The following PSD3 variants were observed in gnomAD, a reference collection of about 807,000 sequenced individuals.
PSD3 encodes pleckstrin and Sec7 domain containing 3, also known as PH and SEC7 domain-containing protein 3.
A neutral mutation model predicts 105.5 loss-of-function variants in PSD3; 49 were observed. That is an observed-to-expected ratio of 0.46 (90% CI 0.37 to 0.59). The LOEUF is 0.59. Ranked by LOEUF, PSD3 falls within the 20% of genes least tolerant of loss-of-function variation. The probability of loss-of-function intolerance (pLI) is 0.00; values close to 1 mark genes in which losing one functional copy is unlikely to be tolerated. For synonymous variants in PSD3, 557 were observed against 457.8 expected (o/e 1.22, Z -2.77); for missense variants, 1,561 against 1,263.8 (o/e 1.24, Z -3.57).
At chr8:18,785,127 G>A (rs969027772) in intron 8 of PSD3, among the ~76,000 whole-genome samples, 1 of 152,068 alleles carries the variant, frequency 6.6e-6, no homozygotes. Context: ...CTGTCACTCA[G>A]GAGGTCCATT....
intron 10 of PSD3, among the ~76,000 whole-genome samples, chr8:18,652,647 G>A (rs1056015225): frequency 2.6e-5 from 4 of 151,832 alleles, no homozygotes; most frequent in East Asian, 1.9e-4. Flanking sequence ...ACAAGTGCAC[G>A]CCACCACGCC....
chr8:19,065,823 C>A (rs1829056387), intron 1 of PSD3, among the ~76,000 whole-genome samples: 1 of 152,112 alleles, frequency 6.6e-6, no homozygotes, highest in Admixed American at 6.6e-5. Context: ...ATCACTTTAA[C>A]CCTCAGCCCC....
chr8:18,590,151 G>C (rs758484611), intron 12 of PSD3, among the ~76,000 whole-genome samples: 7 of 152,136 alleles, frequency 4.6e-5, no homozygotes, highest in African/African-American at 1.2e-4. Context: ...TTTTAAAAAA[G>C]AATAATTCTT....
intron 9 of PSD3, among the ~76,000 whole-genome samples, chr8:18,756,191 A>G (rs900090948): frequency 6.6e-6 from 1 of 151,842 alleles, no homozygotes; most frequent in African/African-American, 2.4e-5. Flanking sequence ...GAACTCACCT[A>G]CTCTAGGCAA....
intron 11 of PSD3, among the ~76,000 whole-genome samples, chr8:18,616,540 C>G (rs1450725352): frequency 6.6e-6 from 1 of 152,104 alleles, no homozygotes; most frequent in Non-Finnish European, 1.5e-5. Context: ...TCTCATCATG[C>G]CTAGGTTTTA....
intron 2 of PSD3, among the ~76,000 whole-genome samples, chr8:18,911,124 T>C (rs935389892): frequency 2.6e-5 from 4 of 151,872 alleles, no homozygotes; most frequent in Non-Finnish European, 4.4e-5. Context: ...AGTCAACCAA[T>C]AAAACAGATA....
At chr8:18,832,843 A>G (rs1460278632) in intron 4 of PSD3, among the ~76,000 whole-genome samples, 2 of 152,158 alleles carry the variant, frequency 1.3e-5, no homozygotes, top group Non-Finnish European at 2.9e-5. Context: ...CCTATTCATT[A>G]TCACTAGAAC....
intron 3 of PSD3, among the ~76,000 whole-genome samples, chr8:18,870,813 G>C (rs1378158024): frequency 2.0e-5 from 3 of 152,074 alleles, no homozygotes; most frequent in Non-Finnish European, 4.4e-5. Flanking sequence ...TCAAAACATA[G>C]GAAGGGCCCG....
chr8:18,693,601 A>T (rs11203985), intron 9 of PSD3, among the ~76,000 whole-genome samples: 138,199 of 152,252 alleles, frequency 0.91, 63,207 homozygotes, highest in Middle Eastern at 0.97. Context: ...GCCCGGCCAT[A>T]TGATGCTCTC....
Position 18,655,827 on chromosome 8 carries a change from G to GA in PSD3, c.2173-143dup, listed in dbSNP as rs549676170. The stretch of plus-strand genomic sequence containing the variant: ...GTCACCTTGCTTTTAGAAAGGTGAA[G>GA]AATACATGGGGAGGCAAATGAGCAT... On this transcript the variant is annotated intron_variant, in intron 9 of 15. Coordinates refer to ENST00000327040, the MANE Select transcript of PSD3 (RefSeq NM_015310.4). 239 of 702,786 alleles carry GA rather than the reference G, an allele frequency of 3.4e-4. 1 individual carries two copies. In the African/African-American group the frequency reaches 3.9e-3, roughly 12 times the overall value. 43.5% of individuals were successfully genotyped at this position (702,786 alleles called of 1,614,324 possible).
At chr8:18,939,298 T>C (rs759667904) in intron 1 of PSD3, among the ~76,000 whole-genome samples, 16 of 152,178 alleles carry the variant, frequency 1.1e-4, no homozygotes, top group Non-Finnish European at 2.2e-4. Flanking sequence ...TGCATTTACC[T>C]TTAGATGAAA....
chr8:19,041,260 A>C (rs1203001862), intron 1 of PSD3, among the ~76,000 whole-genome samples: 1 of 152,178 alleles, frequency 6.6e-6, no homozygotes, highest in African/African-American at 2.4e-5. Context: ...CCTGTAAACC[A>C]GAGGCAAACT....
At chr8:18,625,765 G>T (rs771006162) in intron 11 of PSD3, among the ~76,000 whole-genome samples, 6 of 152,148 alleles carry the variant, frequency 3.9e-5, no homozygotes, top group Admixed American at 1.3e-4. Context: ...TAGGATCAGT[G>T]TCTTCATGTA....
intron 8 of PSD3, among the ~76,000 whole-genome samples, chr8:18,792,582 G>C (rs901072462): frequency 6.6e-6 from 1 of 152,160 alleles, no homozygotes; most frequent in East Asian, 1.9e-4. Flanking sequence ...GGTGGGAGGA[G>C]TAAGAACATC....
At chr8:18,772,408 G>C (rs1045751669) in intron 8 of PSD3, among the ~76,000 whole-genome samples, 2 of 152,004 alleles carry the variant, frequency 1.3e-5, no homozygotes, top group Non-Finnish European at 2.9e-5. Context: ...TTTTTTGATA[G>C]CAATGATCGT....
At chr8:18,674,640 A>C (rs1799970295) in intron 9 of PSD3, among the ~76,000 whole-genome samples, 1 of 152,196 alleles carries the variant, frequency 6.6e-6, no homozygotes, top group African/African-American at 2.4e-5. Context: ...AATCTCCTCA[A>C]AACACTGTCC....
intron 2 of PSD3, among the ~76,000 whole-genome samples, chr8:18,890,813 G>A (rs1244944070): frequency 6.6e-6 from 1 of 151,632 alleles, no homozygotes; most frequent in Non-Finnish European, 1.5e-5. Context: ...TGCACTGGGG[G>A]TAAGGGTGGG....
At chr8:19,010,742 G>A (rs1033695102) in intron 1 of PSD3, among the ~76,000 whole-genome samples, 2 of 152,074 alleles carry the variant, frequency 1.3e-5, no homozygotes, top group Non-Finnish European at 2.9e-5. Flanking sequence ...TGGGCACTCC[G>A]AACAAATGCT....
At chr8:18,939,886 T>C (rs568323713) in intron 1 of PSD3, among the ~76,000 whole-genome samples, 11 of 152,244 alleles carry the variant, frequency 7.2e-5, no homozygotes, top group African/African-American at 2.4e-4. Context: ...ATCTATTTAA[T>C]AGAATATAAG....
Sources: gnomAD v4.1 joint callset for allele counts (sites outside exome capture counted in the v4.1 genomes callset) on GRCh38, gnomAD v4.1.1 for gene constraint, MANE v1.5 for transcripts, NCBI Gene and HGNC (gene_info 2026-07-23, HGNC 2026-07-21) for gene names.